The following ANKRD30BL variants were observed in gnomAD, a reference collection of about 807,000 sequenced individuals.
ANKRD30BL encodes the protein putative ankyrin repeat domain-containing protein 30B-like.
In ANKRD30BL, 20 loss-of-function variants were observed where a neutral mutation model predicts 18.4. The observed-to-expected ratio is 1.09, with a 90% CI of 0.77 to 1.58. The LOEUF is 1.58. ANKRD30BL is among the 40% of genes most tolerant of loss of function. ANKRD30BL has a pLI of 0.00. For synonymous variants in ANKRD30BL, 72 were observed against 100.9 expected (o/e 0.71, Z 1.72); for missense variants, 224 against 268.6 (o/e 0.83, Z 1.16).
intron 1 of ANKRD30BL, among the ~76,000 whole-genome samples, chr2:132,232,616 G>C: frequency 6.6e-6 from 1 of 152,188 alleles, no homozygotes. Context: ...GAAATGAAGC[G>C]AGAAGGGAAG....
chr2:132,168,252 A>G (rs1483855259), intron 1 of ANKRD30BL, among the ~76,000 whole-genome samples: 1 of 152,106 alleles, frequency 6.6e-6, no homozygotes, highest in African/African-American at 2.4e-5. Flanking sequence ...CCATTTTTAT[A>G]TTTCTTTTGG....
intron 1 of ANKRD30BL, among the ~76,000 whole-genome samples, chr2:132,187,184 GTTTGTTTTTTTT>G (rs1344346819): frequency 6.6e-5 from 7 of 105,358 alleles, no homozygotes; most frequent in African/African-American, 2.9e-4. Context: ...TTTTTTTTTT[GTTTGTTTTTTTT>G]TTTTTTTTTT....
At chr2:132,225,339 G>C (rs80301880) in intron 1 of ANKRD30BL, among the ~76,000 whole-genome samples, 1 of 151,402 alleles carries the variant, frequency 6.6e-6, no homozygotes, top group African/African-American at 2.4e-5. Context: ...AAAAACTAGA[G>C]AGAAGCATTC....
In ANKRD30BL at chr2:132,221,661, C is replaced by T. The variant is rs1202483431; in HGVS notation, n.441+35868G>A. Among the ~76,000 whole-genome samples the T allele has an allele frequency of 4.8e-5, 6 of 124,778 alleles. No homozygotes were observed. In the South Asian group the frequency reaches 7.4e-4, roughly 15 times the overall value. 81.9% of individuals were successfully genotyped at this position (124,778 alleles called of 152,430 possible). A position where few individuals can be genotyped will look rare whatever the true frequency, so the allele number is the denominator to read the frequency against. ...GGGAGGTGGGGGGTTCAGCCCCCCGCCCGGCCAGCCGCCCCGTCCGGGAGG... is the reference window on the plus strand; with the variant it reads ...GGGAGGTGGGGGGTTCAGCCCCCCGTCCGGCCAGCCGCCCCGTCCGGGAGG... On this transcript the variant is annotated intron_variant and non_coding_transcript_variant, in intron 1 of 4. Transcript: ENST00000470729.
At chr2:132,211,876 G>A (rs375387829) in intron 1 of ANKRD30BL, among the ~76,000 whole-genome samples, 12 of 151,090 alleles carry the variant, frequency 7.9e-5, no homozygotes, top group Admixed American at 3.3e-4. Flanking sequence ...CATTTAGTGC[G>A]CTTTGTGGCC....
Position 132,225,249 on chromosome 2 carries a change from A to G in ANKRD30BL, n.441+32280T>C, listed in dbSNP as rs573193879. On this transcript the variant is annotated intron_variant and non_coding_transcript_variant, in intron 1 of 4. Transcript: ENST00000470729. ...CCTTTCTTTTGATAGAGCAGGTTTG[A>G]AACACTTTTTTTGTAGAATCTGCAA... 2.5e-4 allele frequency among the ~76,000 whole-genome samples: 38 copies of G among 151,942 alleles called. 1 individual carries two copies. The East Asian group carries it at 7.0e-3, about 28-fold the overall frequency.
intron 1 of ANKRD30BL, among the ~76,000 whole-genome samples, chr2:132,255,941 C>T (rs1573903197): frequency 6.6e-6 from 1 of 152,126 alleles, no homozygotes; most frequent in Non-Finnish European, 1.5e-5. Context: ...CGGCCGGGGA[C>T]GGAGAGGGGC....
At chr2:132,223,092 G>A (rs563845420) in intron 1 of ANKRD30BL, among the ~76,000 whole-genome samples, 25 of 152,090 alleles carry the variant, frequency 1.6e-4, no homozygotes, top group South Asian at 2.1e-4. Flanking sequence ...TGAGGCCTTC[G>A]TTGGAAACGG....
intron 1 of ANKRD30BL, among the ~76,000 whole-genome samples, chr2:132,187,330 G>A (rs1390470716): frequency 6.6e-6 from 1 of 151,486 alleles, no homozygotes; most frequent in Non-Finnish European, 1.5e-5. Flanking sequence ...GAGTAGCTAG[G>A]ATTACAGACA....
intron 1 of ANKRD30BL, among the ~76,000 whole-genome samples, chr2:132,227,625 T>C (rs956534244): frequency 4.6e-5 from 7 of 152,104 alleles, no homozygotes; most frequent in Non-Finnish European, 8.8e-5. Flanking sequence ...GTTAAAACTT[T>C]CTTTTGATTG....
At chr2:132,199,931 G>A (rs547746809) in intron 1 of ANKRD30BL, among the ~76,000 whole-genome samples, 37 of 152,160 alleles carry the variant, frequency 2.4e-4, no homozygotes, top group Middle Eastern at 3.4e-3. Flanking sequence ...CTGGCAAAAC[G>A]AATCCAGCAG....
intron 1 of ANKRD30BL, among the ~76,000 whole-genome samples, chr2:132,170,296 A>G (rs1688254909): frequency 6.6e-6 from 1 of 152,214 alleles, no homozygotes; most frequent in Non-Finnish European, 1.5e-5. Context: ...AAGGGTGAGA[A>G]AAATGGAATT....
Position 132,198,316 on chromosome 2 carries a change from C to G in ANKRD30BL, n.442-41170G>C, listed in dbSNP as rs199762641. Among the ~76,000 whole-genome samples, 88 of 11,528 alleles carry G rather than the reference C, an allele frequency of 7.6e-3. 3 individuals are homozygous for G. The highest frequency in any genetic ancestry group is 0.018 in the African/African-American group (85 of 4,596). The allele number at this position is 11,528 out of a possible 152,430, so 7.6% of individuals were successfully genotyped here. On this transcript the variant is annotated intron_variant and non_coding_transcript_variant, in intron 1 of 4. Coordinates refer to the ANKRD30BL transcript ENST00000470729. The stretch of plus-strand genomic sequence containing the variant: ...TCTTTCTTTCTTTCTTTCTTTCTTT[C>G]TTTCTTTCTTTTTTTTTTTTTTTTT...
At chr2:132,252,650 C>G (rs1352575495) in intron 1 of ANKRD30BL, among the ~76,000 whole-genome samples, 1 of 152,084 alleles carries the variant, frequency 6.6e-6, no homozygotes, top group South Asian at 2.1e-4. Context: ...CAGGGGTGGA[C>G]GGCGAACTGC....
At chr2:132,150,254 T>TCAAA (rs1687722676) in intron 5 of ANKRD30BL, among the ~76,000 whole-genome samples, 1 of 125,950 alleles carries the variant, frequency 7.9e-6, no homozygotes, top group African/African-American at 4.2e-5. Flanking sequence ...AATTTATTTG[T>TCAAA]TAAATTAACA....
At chr2:132,212,747 T>A (rs1476027803) in intron 1 of ANKRD30BL, among the ~76,000 whole-genome samples, 9 of 151,978 alleles carry the variant, frequency 5.9e-5, no homozygotes, top group Admixed American at 5.3e-4. Context: ...AAACTCTTTT[T>A]GTAGACTCTG....
rs72869421 is a variant in ANKRD30BL, at chr2:132,254,041, G to C, written n.441+3488C>G. Among the ~76,000 whole-genome samples, 291 of 147,706 alleles carry C rather than the reference G, an allele frequency of 2.0e-3. 3 individuals carry two copies. The highest frequency in any genetic ancestry group is 3.3e-3 in the Non-Finnish European group (221 of 66,638). ...AGGGCACTGAGACCCCCACCCCACC[G>C]TGACGCCGAGAACCACCCCCGCGCC... is the stretch of plus-strand genomic sequence containing the variant. On this transcript the variant is annotated intron_variant and non_coding_transcript_variant, in intron 1 of 4. Coordinates refer to the ANKRD30BL transcript ENST00000470729.
chr2:132,241,198 A>C (rs1188118864), intron 1 of ANKRD30BL, among the ~76,000 whole-genome samples: 1 of 152,044 alleles, frequency 6.6e-6, no homozygotes, highest in Non-Finnish European at 1.5e-5. Flanking sequence ...AGACAGAAGA[A>C]TTCTCAGAAA....
At chr2:132,197,902 G>A (rs1678997915) in intron 1 of ANKRD30BL, among the ~76,000 whole-genome samples, 1 of 151,634 alleles carries the variant, frequency 6.6e-6, no homozygotes, top group East Asian at 1.9e-4. Flanking sequence ...GTTTCTTCTG[G>A]CCTATGTATA....
Sources: allele counts gnomAD v4.1 joint callset (sites outside exome capture counted in the v4.1 genomes callset), GRCh38; gene constraint gnomAD v4.1.1; transcripts MANE v1.5; gene names NCBI Gene and HGNC (gene_info 2026-07-23, HGNC 2026-07-21).